Variants in ZBTB20 observed in about 807,000 individuals in gnomAD.
ZBTB20 encodes the protein zinc finger and BTB domain-containing protein 20.
A neutral mutation model predicts 56.9 loss-of-function variants in ZBTB20; 9 were observed. The ratio of observed to expected loss-of-function variants is 0.16; its 90% CI spans 0.10 to 0.28. The LOEUF (loss-of-function observed/expected upper bound fraction) is 0.28. ZBTB20 is among the 10% of genes least tolerant of loss of function. The pLI, the probability that ZBTB20 is intolerant of heterozygous loss-of-function variation, is 1.00. For missense variants in ZBTB20, 655 were observed against 1,003.0 expected (o/e 0.65, Z 4.69); for synonymous variants, 417 against 420.7 (o/e 0.99, Z 0.11).
intron 9 of ZBTB20, 81 bp from the exon 10 acceptor site, chr3:114,380,485 T>C (rs1183692352): frequency 7.0e-7 from 1 of 1,426,944 alleles, no homozygotes; most frequent in Non-Finnish European, 9.2e-7. Context: ...TAAAGATAAC[T>C]TGATTTTTTT....
At chr3:114,874,776 C>A (rs1333498091) in intron 4 of ZBTB20, among the ~76,000 whole-genome samples, 4 of 152,178 alleles carry the variant, frequency 2.6e-5, no homozygotes, top group African/African-American at 9.6e-5. Flanking sequence ...TTAGATTCTA[C>A]TTCCTTTACT....
intron 5 of ZBTB20, among the ~76,000 whole-genome samples, chr3:114,743,119 T>C (rs1338561259): frequency 2.0e-5 from 3 of 152,200 alleles, no homozygotes; most frequent in African/African-American, 7.2e-5. Flanking sequence ...AAGAGAAACC[T>C]GTTCATATCT....
At chr3:114,995,178 C>A (rs562485691) in intron 2 of ZBTB20, among the ~76,000 whole-genome samples, 3 of 151,848 alleles carry the variant, frequency 2.0e-5, no homozygotes, top group African/African-American at 7.2e-5. Context: ...AAAGGTGGAA[C>A]TGTAAACACA....
chr3:114,923,036 T>C (rs1381500945), intron 3 of ZBTB20, among the ~76,000 whole-genome samples: 1 of 152,086 alleles, frequency 6.6e-6, no homozygotes, highest in African/African-American at 2.4e-5. Context: ...TGATGAAGAA[T>C]TGGTACACTG....
chr3:114,604,552 G>T (rs2107649042), intron 6 of ZBTB20, among the ~76,000 whole-genome samples: 1 of 151,910 alleles, frequency 6.6e-6, no homozygotes, highest in East Asian at 1.9e-4. Flanking sequence ...AAAACTAAAT[G>T]AAAGATAATC....
intron 5 of ZBTB20, among the ~76,000 whole-genome samples, chr3:114,734,918 G>A (rs1008215485): frequency 2.6e-5 from 4 of 151,944 alleles, no homozygotes; most frequent in African/African-American, 7.3e-5. Context: ...AGCCTAACAC[G>A]CACATCTTTG....
intron 3 of ZBTB20, among the ~76,000 whole-genome samples, chr3:114,917,756 G>T (rs2075801260): frequency 1.4e-5 from 2 of 148,024 alleles, no homozygotes; most frequent in Admixed American, 1.4e-4. Flanking sequence ...TAGCTGCCTG[G>T]TGCTGGGCTG....
intron 6 of ZBTB20, among the ~76,000 whole-genome samples, chr3:114,568,896 A>C (rs560965909): frequency 3.6e-4 from 55 of 151,854 alleles, no homozygotes; most frequent in Non-Finnish European, 5.7e-4. Context: ...ATCTCTCTTC[A>C]TTTCTCTAAG....
intron 6 of ZBTB20, among the ~76,000 whole-genome samples, chr3:114,563,095 G>A (rs2052289386): frequency 6.6e-6 from 1 of 152,142 alleles, no homozygotes; most frequent in Admixed American, 6.5e-5. Context: ...TGCAAAAAAT[G>A]TAATGTCTGG....
At chr3:115,085,341 C>A (rs777290629) in intron 1 of ZBTB20, among the ~76,000 whole-genome samples, 1 of 151,850 alleles carries the variant, frequency 6.6e-6, no homozygotes, top group Non-Finnish European at 1.5e-5. Flanking sequence ...GGGATGTGAA[C>A]AAATATCCTG....
At chr3:114,702,075 C>A (rs111837142) in intron 5 of ZBTB20, among the ~76,000 whole-genome samples, 1 of 152,060 alleles carries the variant, frequency 6.6e-6, no homozygotes, top group Admixed American at 6.6e-5. Context: ...TGGTGACTAT[C>A]GTCACCATGG....
chr3:114,623,405 A>T (rs1339919541), intron 6 of ZBTB20, among the ~76,000 whole-genome samples: 3 of 152,184 alleles, frequency 2.0e-5, no homozygotes, highest in Non-Finnish European at 1.5e-5. Flanking sequence ...TACTGTGAGG[A>T]CAGTCATTTA....
At chr3:114,412,294 T>A (rs942971747) in intron 7 of ZBTB20, among the ~76,000 whole-genome samples, 2 of 152,064 alleles carry the variant, frequency 1.3e-5, no homozygotes, top group Non-Finnish European at 2.9e-5. Flanking sequence ...ACTGAGACAA[T>A]CTATGTGAAA....
chr3:114,644,316 T>C (rs1329270681), intron 6 of ZBTB20, among the ~76,000 whole-genome samples: 1 of 152,108 alleles, frequency 6.6e-6, no homozygotes, highest in African/African-American at 2.4e-5. Context: ...AAGCAGGAAG[T>C]TCTTTCTTTC....
At chr3:114,751,360 C>T (rs545173372) in intron 5 of ZBTB20, among the ~76,000 whole-genome samples, 23 of 152,210 alleles carry the variant, frequency 1.5e-4, no homozygotes, top group Non-Finnish European at 2.5e-4. Flanking sequence ...AGTAACTTGT[C>T]CATGAGCATA....
chr3:114,979,792 T>A (rs921263001), intron 2 of ZBTB20, among the ~76,000 whole-genome samples: 5 of 152,036 alleles, frequency 3.3e-5, no homozygotes, highest in Non-Finnish European at 7.4e-5. Context: ...TAATCATGCA[T>A]CCTAAGGTGG....
chr3:115,117,110 C>T (rs2108637890), intron 1 of ZBTB20, among the ~76,000 whole-genome samples: 1 of 152,202 alleles, frequency 6.6e-6, no homozygotes, highest in East Asian at 1.9e-4. Flanking sequence ...GGGTAACACT[C>T]TCCAGAGCTT....
intron 5 of ZBTB20, among the ~76,000 whole-genome samples, chr3:114,724,063 C>T (rs1337031593): frequency 1.3e-5 from 2 of 151,530 alleles, no homozygotes; most frequent in Admixed American, 1.3e-4. Flanking sequence ...TTAGTAGAGA[C>T]GGGGTTTCAC....
At chr3:114,682,150 A>C (rs2062012740) in intron 6 of ZBTB20, among the ~76,000 whole-genome samples, 1 of 152,230 alleles carries the variant, frequency 6.6e-6, no homozygotes, top group South Asian at 2.1e-4. Flanking sequence ...ATTTAAAGGC[A>C]TAGAATGTTA....
Sources: allele counts gnomAD v4.1 joint callset (sites outside exome capture counted in the v4.1 genomes callset), GRCh38; gene constraint gnomAD v4.1.1; transcripts MANE v1.5; gene names NCBI Gene and HGNC (gene_info 2026-07-23, HGNC 2026-07-21).